MAP3K5: variants seen among roughly 807,000 people sequenced by gnomAD.
MAP3K5 encodes the protein mitogen-activated protein kinase kinase kinase 5.
Under a neutral mutation model 158.7 loss-of-function variants are expected in MAP3K5, and 56 were observed. That is an observed-to-expected ratio of 0.35 (90% CI 0.28 to 0.44). The LOEUF (loss-of-function observed/expected upper bound fraction) is 0.44, where lower values mean the gene tolerates loss of function less well. Ranked by LOEUF, MAP3K5 falls within the 20% of genes least tolerant of loss-of-function variation. The pLI is 1.00. For synonymous variants in MAP3K5, 579 were observed against 601.7 expected (o/e 0.96, Z 0.55); for missense variants, 1,294 against 1,674.8 (o/e 0.77, Z 3.97).
chr6:136,676,778 TTTTTC>T (rs1250740251), intron 7 of MAP3K5, among the ~76,000 whole-genome samples: 4 of 149,960 alleles, frequency 2.7e-5, no homozygotes, highest in Admixed American at 6.6e-5. Flanking sequence ...ATTTTGTTAA[TTTTTC>T]TTTTCTTTTC....
chr6:136,752,648 G>C (rs551126279), intron 1 of MAP3K5, among the ~76,000 whole-genome samples: 1 of 152,318 alleles, frequency 6.6e-6, no homozygotes, highest in South Asian at 2.1e-4. Context: ...GTGACCTCAG[G>C]TGATCCGCCC....
At chr6:136,568,926 A>G (rs1199857269) in intron 25 of MAP3K5, among the ~76,000 whole-genome samples, 1 of 151,300 alleles carries the variant, frequency 6.6e-6, no homozygotes, top group African/African-American at 2.4e-5. Flanking sequence ...AAGCCCCCCA[A>G]CTGACTGAAG....
chr6:136,719,646 T>G (rs1781669238), intron 2 of MAP3K5, among the ~76,000 whole-genome samples: 1 of 152,234 alleles, frequency 6.6e-6, no homozygotes, highest in African/African-American at 2.4e-5. Context: ...TAACAATTGC[T>G]AAGTCATTAG....
At chr6:136,761,530 A>G (rs1783758129) in intron 1 of MAP3K5, among the ~76,000 whole-genome samples, 2 of 152,146 alleles carry the variant, frequency 1.3e-5, no homozygotes, top group South Asian at 4.1e-4. Context: ...CTGTCAACAC[A>G]ATAAAACTAC....
chr6:136,681,592 C>T (rs111820525), intron 7 of MAP3K5, among the ~76,000 whole-genome samples: 133 of 152,210 alleles, frequency 8.7e-4, no homozygotes, highest in African/African-American at 3.2e-3. Flanking sequence ...ATGATCACAC[C>T]CCTGCACTCC....
At chr6:136,647,954 T>G (rs1377321886) in intron 11 of MAP3K5, 1 of 152,220 alleles carries the variant, frequency 6.6e-6, no homozygotes, top group Admixed American at 6.5e-5. Flanking sequence ...ATTGATTTGC[T>G]CTACCATCAT....
At chr6:136,621,642 G>A (rs1236320957) in intron 15 of MAP3K5, among the ~76,000 whole-genome samples, 1 of 152,174 alleles carries the variant, frequency 6.6e-6, no homozygotes, top group Admixed American at 6.5e-5. Context: ...TTTTACAAGT[G>A]CTCCTTAGCT....
intron 18 of MAP3K5, among the ~76,000 whole-genome samples, chr6:136,610,980 T>C (rs1583270477): frequency 6.6e-6 from 1 of 151,222 alleles, no homozygotes; most frequent in African/African-American, 2.4e-5. Flanking sequence ...TGGTGGCGCA[T>C]GCCTGTAGTC....
chr6:136,729,841 A>T (rs1782132683), intron 1 of MAP3K5, among the ~76,000 whole-genome samples: 1 of 152,244 alleles, frequency 6.6e-6, no homozygotes, highest in South Asian at 2.1e-4. Flanking sequence ...AACACAGACA[A>T]CATGTGGGGA....
At chr6:136,723,922 C>A (rs1446461940) in intron 1 of MAP3K5, among the ~76,000 whole-genome samples, 3 of 152,040 alleles carry the variant, frequency 2.0e-5, no homozygotes, top group East Asian at 3.9e-4. Context: ...CATCAAAAAT[C>A]AACACATGAC....
chr6:136,599,707 G>C (rs1441375174), intron 21 of MAP3K5, among the ~76,000 whole-genome samples: 1 of 152,156 alleles, frequency 6.6e-6, no homozygotes, highest in East Asian at 1.9e-4. Context: ...TGTGAAGTAG[G>C]TAATGTTACC....
At chr6:136,598,617 C>T (rs1206120696) in intron 21 of MAP3K5, among the ~76,000 whole-genome samples, 1 of 152,202 alleles carries the variant, frequency 6.6e-6, no homozygotes, top group Admixed American at 6.5e-5. Context: ...AGTCATGTCC[C>T]TCTCTAAAGG....
At chr6:136,621,757 G>A (rs1009416591) in intron 15 of MAP3K5, among the ~76,000 whole-genome samples, 1 of 152,180 alleles carries the variant, frequency 6.6e-6, no homozygotes, top group African/African-American at 2.4e-5. Context: ...CTTGTGGACA[G>A]ACCTTGTTAA....
At chr6:136,769,381 A>G (rs1378543848) in intron 1 of MAP3K5, among the ~76,000 whole-genome samples, 1 of 152,094 alleles carries the variant, frequency 6.6e-6, no homozygotes. Context: ...AAATTGGTAC[A>G]GGGTTTATTT....
At chr6:136,751,591 CAACA>C (rs1160392133) in intron 1 of MAP3K5, among the ~76,000 whole-genome samples, 1 of 152,216 alleles carries the variant, frequency 6.6e-6, no homozygotes, top group Non-Finnish European at 1.5e-5. Context: ...CCATCCCACT[CAACA>C]ATCAGGCAGT....
intron 1 of MAP3K5, among the ~76,000 whole-genome samples, chr6:136,739,143 A>C (rs78667901): frequency 0.023 from 3,541 of 152,296 alleles, 40 homozygotes; most frequent in Middle Eastern, 0.051. Context: ...CCCCTGACAA[A>C]GTAATGGTGT....
chr6:136,578,270 C>T (rs941526350), intron 25 of MAP3K5, among the ~76,000 whole-genome samples: 3 of 152,180 alleles, frequency 2.0e-5, no homozygotes, highest in Non-Finnish European at 4.4e-5. Flanking sequence ...TTCAAAGGCT[C>T]TCTAGAATTT....
intron 10 of MAP3K5, among the ~76,000 whole-genome samples, chr6:136,652,490 GA>G (rs767114169): frequency 3.9e-5 from 6 of 152,086 alleles, no homozygotes; most frequent in Non-Finnish European, 8.8e-5. Flanking sequence ...GATGAATAAT[GA>G]AAATCATTTT....
chr6:136,610,858 C>G (rs527304698), intron 18 of MAP3K5, among the ~76,000 whole-genome samples: 2 of 151,826 alleles, frequency 1.3e-5, no homozygotes, highest in East Asian at 3.9e-4. Flanking sequence ...CCTGTAATCC[C>G]AACACTTTTG....
Sources: allele counts gnomAD v4.1 joint callset (sites outside exome capture counted in the v4.1 genomes callset), GRCh38; gene constraint gnomAD v4.1.1; transcripts MANE v1.5; gene names NCBI Gene and HGNC (gene_info 2026-07-23, HGNC 2026-07-21).